The following RORA variants were observed in gnomAD, a reference collection of about 807,000 sequenced individuals.
The protein encoded by RORA is nuclear receptor ROR-alpha.
Under a neutral mutation model 69.5 loss-of-function variants are expected in RORA, and 7 were observed. The observed-to-expected ratio is 0.10, with a 90% CI of 0.06 to 0.19. The LOEUF (loss-of-function observed/expected upper bound fraction) is 0.19. Among genes scored for constraint, RORA ranks in the 10% least tolerant of loss-of-function variants. The probability of loss-of-function intolerance (pLI) is 1.00; values close to 1 mark genes in which losing one functional copy is unlikely to be tolerated. For synonymous variants in RORA, 261 were observed against 240.8 expected (o/e 1.08, Z -0.78); for missense variants, 457 against 663.0 (o/e 0.69, Z 3.41).
At chr15:61,047,598 T>TAAAACAAAAACA (rs3985702) in intron 1 of RORA, among the ~76,000 whole-genome samples, 13 of 151,470 alleles carry the variant, frequency 8.6e-5, no homozygotes, top group Admixed American at 2.0e-4. Flanking sequence ...TCGAGAATGG[T>TAAAACAAAAACA]AAAACAAAAA....
At chr15:61,108,951 C>T (rs146230730) in intron 1 of RORA, among the ~76,000 whole-genome samples, 3 of 152,128 alleles carry the variant, frequency 2.0e-5, no homozygotes, top group East Asian at 1.9e-4. Context: ...GTAATCCCAG[C>T]GCTTTGGGAG....
At chr15:60,600,313 A>G (rs2068783604) in intron 2 of RORA, among the ~76,000 whole-genome samples, 1 of 152,218 alleles carries the variant, frequency 6.6e-6, no homozygotes, top group South Asian at 2.1e-4. Context: ...TTGCTTTCAC[A>G]GGGAAAATAT....
chr15:60,887,141 T>TGAGAGAGA (rs3053903), intron 1 of RORA, among the ~76,000 whole-genome samples: 15 of 148,012 alleles, frequency 1.0e-4, no homozygotes, highest in African/African-American at 3.7e-4. Context: ...TTGCCAGAGC[T>TGAGAGAGA]GAGAGAGAGA....
At chr15:60,961,175 C>A (rs752522830) in intron 1 of RORA, among the ~76,000 whole-genome samples, 2 of 152,188 alleles carry the variant, frequency 1.3e-5, no homozygotes, top group Non-Finnish European at 2.9e-5. Flanking sequence ...CATAACATTT[C>A]TTTTCTCATG....
At chr15:60,502,959 A>G in intron 7 of RORA, 92 bp from the exon 8 acceptor site, 2 of 848,180 alleles carry the variant, frequency 2.4e-6, no homozygotes, top group Non-Finnish European at 4.1e-6. Context: ...TCCTTCTGCA[A>G]CAGCATGGTG....
At chr15:60,614,025 G>A (rs544554227) in intron 2 of RORA, among the ~76,000 whole-genome samples, 297 of 151,784 alleles carry the variant, frequency 2.0e-3, no homozygotes, top group Non-Finnish European at 3.3e-3. Context: ...GATAAAAAAT[G>A]AAAAAGGAAA....
chr15:60,500,038 C>G (rs765446645), intron 9 of RORA, 34 bp from the exon 10 acceptor site: 7 of 1,305,656 alleles, frequency 5.4e-6, no homozygotes, highest in Non-Finnish European at 6.6e-6. Flanking sequence ...TTTAGCATTC[C>G]TCTGACATGG....
rs948456002 is a variant in RORA at position 60,883,102 on chromosome 15, G to A, written c.167-204416C>T. Among the ~76,000 whole-genome samples the A allele has an allele frequency of 3.3e-5, 4 of 120,750 alleles. No individual in the cohort carries two copies. In the Admixed American group the frequency reaches 4.5e-4, roughly 14 times the overall value. 79.2% of individuals were successfully genotyped at this position (120,750 alleles called of 152,430 possible). On this transcript the variant is annotated intron_variant, in intron 1 of 10. Coordinates refer to ENST00000335670, the MANE Select transcript of RORA (RefSeq NM_134261.3). Reference sequence around the variant, plus strand: ...GCCGAGATCAAGCCATTGCATTCCCGCCTGGGCGACAGAGAGAGACATCGT... The same window carrying A: ...GCCGAGATCAAGCCATTGCATTCCCACCTGGGCGACAGAGAGAGACATCGT...
intron 1 of RORA, among the ~76,000 whole-genome samples, chr15:60,729,902 T>C (rs1455479040): frequency 6.6e-6 from 1 of 152,252 alleles, no homozygotes; most frequent in Non-Finnish European, 1.5e-5. Context: ...TAGATTTAGT[T>C]TTTTTAAAAA....
intron 2 of RORA, among the ~76,000 whole-genome samples, chr15:60,551,577 G>A (rs777595464): frequency 9.2e-5 from 14 of 151,942 alleles, no homozygotes; most frequent in African/African-American, 3.1e-4. Flanking sequence ...TTTTCCTACC[G>A]CCCCACAATG....
intron 1 of RORA, among the ~76,000 whole-genome samples, chr15:60,752,615 C>T (rs887644978): frequency 6.7e-6 from 1 of 149,722 alleles, no homozygotes; most frequent in South Asian, 2.2e-4. Context: ...TCAAATTGCT[C>T]CCCCCACCCC....
intron 1 of RORA, among the ~76,000 whole-genome samples, chr15:61,181,772 C>T (rs2079688909): frequency 6.6e-6 from 1 of 151,262 alleles, no homozygotes; most frequent in Non-Finnish European, 1.5e-5. Context: ...AGATGTTGCC[C>T]AGAATCTAAT....
At chr15:60,620,878 G>A (rs1046540019) in intron 2 of RORA, among the ~76,000 whole-genome samples, 6 of 152,228 alleles carry the variant, frequency 3.9e-5, no homozygotes, top group Non-Finnish European at 8.8e-5. Context: ...GCTCAGAGCC[G>A]GCACGGAAAG....
chr15:60,795,027 TAAAAACCTCA>T (rs2072473541), intron 1 of RORA, among the ~76,000 whole-genome samples: 1 of 152,140 alleles, frequency 6.6e-6, no homozygotes, highest in Admixed American at 6.5e-5. Context: ...CTCAATTACA[TAAAAACCTCA>T]AGAAACCTAC....
Position 60,701,367 on chromosome 15 carries a change from C to G in RORA, c.167-22681G>C, listed in dbSNP as rs139516491. 4.7e-3 allele frequency among the ~76,000 whole-genome samples: 717 copies of G among 152,268 alleles called. 8 individuals carry two copies. The highest frequency in any genetic ancestry group is 0.016 in the African/African-American group (680 of 41,544). On this transcript the variant is annotated intron_variant, in intron 1 of 10. Transcript: ENST00000335670. ...AAAAAAGCTTCACATGGGCAAGAAC[C>G]ACCATGGATCAAAGGGGACTGAAGA... is the stretch of plus-strand genomic sequence containing the variant.
At chr15:60,810,850 TAAAA>T (rs936249409) in intron 1 of RORA, among the ~76,000 whole-genome samples, 1 of 152,208 alleles carries the variant, frequency 6.6e-6, no homozygotes, top group Admixed American at 6.6e-5. Context: ...AGTGGGGCAT[TAAAA>T]AGCTGAGTGT....
At chr15:60,879,628 T>C (rs1247092996) in intron 1 of RORA, among the ~76,000 whole-genome samples, 3 of 152,188 alleles carry the variant, frequency 2.0e-5, no homozygotes, top group Non-Finnish European at 2.9e-5. Flanking sequence ...ATTAATTATT[T>C]AGATTACAGA....
At chr15:60,939,125 T>C (rs1334608161) in intron 1 of RORA, among the ~76,000 whole-genome samples, 3 of 152,240 alleles carry the variant, frequency 2.0e-5, no homozygotes, top group African/African-American at 7.2e-5. Flanking sequence ...ACCTCCACTT[T>C]GGCCTTAGTG....
chr15:60,739,158 A>C (rs1045207281), intron 1 of RORA, among the ~76,000 whole-genome samples: 1 of 152,342 alleles, frequency 6.6e-6, no homozygotes, highest in South Asian at 2.1e-4. Flanking sequence ...GTGGCCTTGT[A>C]TCTAATGAAA....
Sources: allele counts gnomAD v4.1 joint callset (sites outside exome capture counted in the v4.1 genomes callset), GRCh38; gene constraint gnomAD v4.1.1; transcripts MANE v1.5; gene names NCBI Gene and HGNC (gene_info 2026-07-23, HGNC 2026-07-21).